Variants in ITGB3 observed in about 807,000 individuals in gnomAD.
The protein encoded by ITGB3 is integrin subunit beta 3, also known as integrin beta-3.
Under a neutral mutation model 85.8 loss-of-function variants are expected in ITGB3, and 48 were observed. That is an observed-to-expected ratio of 0.56 (90% CI 0.44 to 0.71). ITGB3 has a LOEUF of 0.71. Ranked by LOEUF, ITGB3 falls within the 30% of genes least tolerant of loss-of-function variation. ITGB3 has a pLI of 0.00. For synonymous variants in ITGB3, 363 were observed against 395.6 expected, an observed-to-expected ratio of 0.92 and a Z score of 0.98; for missense variants, 861 against 1,019.1, an observed-to-expected ratio of 0.84 and a Z score of 2.11.
chr17:47,279,758 A>G (rs748881703), intron 2 of ITGB3: 1 of 152,258 alleles, frequency 6.6e-6, no homozygotes, highest in African/African-American at 2.4e-5. Flanking sequence ...TGTCTTCTTC[A>G]GCATCTGTCT....
chr17:47,280,809 C>G (rs1012952110), intron 2 of ITGB3, among the ~76,000 whole-genome samples: 17 of 152,192 alleles, frequency 1.1e-4, no homozygotes, highest in African/African-American at 4.1e-4. Flanking sequence ...TGTTCCCTAC[C>G]TGGGGCATTC....
intron 1 of ITGB3, 23 bp downstream of exon 1, chr17:47,253,963 A>T: frequency 7.3e-7 from 1 of 1,378,282 alleles, no homozygotes; most frequent in Non-Finnish European, 9.5e-7. Context: ...CCGGCTCGGC[A>T]GCGTCGCAGC....
chr17:47,303,225 G>A (rs2065174137), intron 13 of ITGB3, among the ~76,000 whole-genome samples: 1 of 152,022 alleles, frequency 6.6e-6, no homozygotes, highest in Non-Finnish European at 1.5e-5. Context: ...ACTCCAGCTT[G>A]GGCAACAGAG....
chr17:47,286,973 T>C, intron 5 of ITGB3, 97 bp from the exon 6 acceptor site: 1 of 1,308,808 alleles, frequency 7.6e-7, no homozygotes, highest in South Asian at 1.2e-5. Context: ...TGTCCAGCCC[T>C]TTAGCCAGGG....
intron 12 of ITGB3, among the ~76,000 whole-genome samples, chr17:47,302,141 A>C (rs1311086768): frequency 6.6e-6 from 1 of 152,134 alleles, no homozygotes; most frequent in African/African-American, 2.4e-5. Flanking sequence ...GAAGAGATGA[A>C]GTCTACAAAA....
chr17:47,293,276 A>G (rs757202038), intron 10 of ITGB3, among the ~76,000 whole-genome samples: 6 of 152,158 alleles, frequency 3.9e-5, no homozygotes, highest in South Asian at 2.1e-4. Flanking sequence ...AAAATTCAGT[A>G]AAATCTTGAG....
Position 47,284,429 on chromosome 17 carries a change from T to G in ITGB3, c.362-14T>G. The G allele has an allele frequency of 1.2e-6, 2 of 1,614,112 alleles. No homozygotes were observed. Among genetic ancestry groups the G allele is most frequent in the Non-Finnish European group, 1.7e-6 (2 of 1,180,016 alleles). On this transcript the variant is annotated splice_polypyrimidine_tract_variant and intron_variant, in intron 3 of 14. Transcript: ENST00000559488. ...GGAGAAGAAGATAAAAACTAACATCTTTCTGCCTTCCAGATGATTCGAAGA... is the reference window on the plus strand; with the variant it reads ...GGAGAAGAAGATAAAAACTAACATCGTTCTGCCTTCCAGATGATTCGAAGA...
chr17:47,275,655 G>C (rs75887664), intron 2 of ITGB3, among the ~76,000 whole-genome samples: 2 of 152,180 alleles, frequency 1.3e-5, no homozygotes, highest in Non-Finnish European at 2.9e-5. Flanking sequence ...TGGCCGCCTG[G>C]GGGGAGGGGC....
intron 1 of ITGB3, 56 bp from the exon 2 acceptor site, chr17:47,274,363 G>A: frequency 4.0e-6 from 6 of 1,497,894 alleles, no homozygotes. Flanking sequence ...GATGAGGCAG[G>A]CAAGTACCTT....
intron 1 of ITGB3, among the ~76,000 whole-genome samples, chr17:47,257,897 G>A (rs1361575422): frequency 6.6e-6 from 1 of 152,124 alleles, no homozygotes; most frequent in Non-Finnish European, 1.5e-5. Context: ...CCATAAGATG[G>A]GGCAAGCACA....
intron 6 of ITGB3, among the ~76,000 whole-genome samples, chr17:47,288,044 A>G (rs952590629): frequency 1.3e-5 from 2 of 148,940 alleles, no homozygotes; most frequent in Non-Finnish European, 3.0e-5. Context: ...GACCACAGGC[A>G]TGCACTACCA....
chr17:47,301,751 ATT>A (rs1056140658), intron 12 of ITGB3, among the ~76,000 whole-genome samples: 1 of 152,044 alleles, frequency 6.6e-6, no homozygotes, highest in South Asian at 2.1e-4. Context: ...ACATTATCTT[ATT>A]TTTCTGTCAA....
intron 2 of ITGB3, among the ~76,000 whole-genome samples, chr17:47,279,103 C>T (rs2065074257): frequency 6.6e-6 from 1 of 152,230 alleles, no homozygotes; most frequent in African/African-American, 2.4e-5. Flanking sequence ...TGTACTTTCC[C>T]AATTTCCAAA....
At chr17:47,266,955 C>G (rs1041998271) in intron 1 of ITGB3, among the ~76,000 whole-genome samples, 5 of 152,136 alleles carry the variant, frequency 3.3e-5, no homozygotes, top group African/African-American at 4.8e-5. Context: ...TACTTTCTGG[C>G]TCCACGCTCC....
At chr17:47,306,274 T>C (rs2065187496) in intron 13 of ITGB3, among the ~76,000 whole-genome samples, 1 of 150,342 alleles carries the variant, frequency 6.7e-6, no homozygotes, top group Non-Finnish European at 1.5e-5. Context: ...CTTTCTGTAT[T>C]TCTCTCTTTC....
chr17:47,278,406 C>T (rs1017647910), intron 2 of ITGB3, among the ~76,000 whole-genome samples: 3 of 152,080 alleles, frequency 2.0e-5, no homozygotes, highest in Non-Finnish European at 2.9e-5. Flanking sequence ...CATGGCAAAA[C>T]CCCGTCTCTA....
chr17:47,275,122 G>A (rs2065058843), intron 2 of ITGB3, among the ~76,000 whole-genome samples: 2 of 152,168 alleles, frequency 1.3e-5, no homozygotes, highest in Non-Finnish European at 2.9e-5. Context: ...GTGTGGTGAT[G>A]TTTAGTCAGA....
chr17:47,300,346 C>CGCGTGTGTGT (rs377375532), intron 11 of ITGB3, 132 bp from the exon 12 acceptor site: 6 of 619,732 alleles, frequency 9.7e-6, no homozygotes, highest in African/African-American at 7.4e-5. Context: ...CGCGCGCGCG[C>CGCGTGTGTGT]GTGTGTGTGT....
intron 2 of ITGB3, among the ~76,000 whole-genome samples, chr17:47,282,402 T>A (rs1449419403): frequency 6.6e-6 from 1 of 152,210 alleles, no homozygotes; most frequent in South Asian, 2.1e-4. Context: ...TTCCTCCCAG[T>A]CCCTGGAAAC....
Sources: gnomAD v4.1 joint callset for allele counts (sites outside exome capture counted in the v4.1 genomes callset) on GRCh38, gnomAD v4.1.1 for gene constraint, MANE v1.5 for transcripts, NCBI Gene and HGNC (gene_info 2026-07-23, HGNC 2026-07-21) for gene names.